CSMD3: variants seen among roughly 807,000 people sequenced by gnomAD.
CSMD3 encodes the protein CUB and sushi domain-containing protein 3.
In CSMD3, 177 loss-of-function variants were observed where a neutral mutation model predicts 435.2. That is an observed-to-expected ratio of 0.41 (90% CI 0.36 to 0.46). CSMD3 has a LOEUF of 0.46. Among genes scored for constraint, CSMD3 ranks in the 20% least tolerant of loss-of-function variants. CSMD3 has a pLI of 0.34. For synonymous variants in CSMD3, 1,656 were observed against 1,520.5 expected (o/e 1.09, Z -2.07); for missense variants, 4,265 against 4,504.6 (o/e 0.95, Z 1.52).
rs183901894 is a variant in CSMD3 at position 113,063,106 on chromosome 8, A to G, written c.917+35650T>C. Among the ~76,000 whole-genome samples the G allele has an allele frequency of 1.1e-4, 17 of 151,718 alleles. No individual in the cohort carries two copies. The East Asian group carries it at 1.5e-3, about 14-fold the overall frequency. ...TTCAAATGTTTCAATCACATTCCCTACAAATATTTTACATTTGAAGTTTTC... is the reference window on the plus strand; with the variant it reads ...TTCAAATGTTTCAATCACATTCCCTGCAAATATTTTACATTTGAAGTTTTC... On this transcript the variant is annotated intron_variant, in intron 5 of 70. Transcript: ENST00000297405.
intron 6 of CSMD3, among the ~76,000 whole-genome samples, chr8:112,996,890 T>C (rs1331170380): frequency 6.6e-6 from 1 of 151,644 alleles, no homozygotes; most frequent in Non-Finnish European, 1.5e-5. Flanking sequence ...AGTGTTAGTT[T>C]CTTATGGAAG....
intron 10 of CSMD3, among the ~76,000 whole-genome samples, chr8:112,910,912 C>T (rs976836614): frequency 4.0e-5 from 6 of 151,834 alleles, no homozygotes; most frequent in Non-Finnish European, 7.4e-5. Context: ...TTTTCCTGAC[C>T]ATTTTGCAGC....
chr8:112,385,947 T>C (rs547142202), intron 36 of CSMD3, among the ~76,000 whole-genome samples: 1 of 152,068 alleles, frequency 6.6e-6, no homozygotes, highest in Non-Finnish European at 1.5e-5. Flanking sequence ...CTACCGTATA[T>C]GGAAAAGGGT....
At chr8:112,923,649 A>C (rs187613827) in intron 9 of CSMD3, among the ~76,000 whole-genome samples, 1 of 152,126 alleles carries the variant, frequency 6.6e-6, no homozygotes, top group Non-Finnish European at 1.5e-5. Flanking sequence ...ATCTTCTTCC[A>C]TGTTATTTCC....
chr8:112,934,275 A>T (rs1458856959), intron 9 of CSMD3, among the ~76,000 whole-genome samples: 2 of 152,156 alleles, frequency 1.3e-5, no homozygotes, highest in African/African-American at 4.8e-5. Flanking sequence ...ATTCAAAATA[A>T]CAGTACCAGC....
intron 6 of CSMD3, among the ~76,000 whole-genome samples, chr8:112,983,630 T>C (rs1166455443): frequency 6.6e-6 from 1 of 151,246 alleles, no homozygotes; most frequent in Non-Finnish European, 1.5e-5. Flanking sequence ...CTTACAAAAA[T>C]ACTTGGGGAA....
chr8:112,346,852 G>A (rs909200432), intron 40 of CSMD3, among the ~76,000 whole-genome samples: 3 of 151,424 alleles, frequency 2.0e-5, no homozygotes, highest in African/African-American at 7.3e-5. Flanking sequence ...CTAATTTTTT[G>A]TATTTTTAGT....
chr8:112,934,290 AT>A (rs774356460), intron 9 of CSMD3, among the ~76,000 whole-genome samples: 3 of 152,086 alleles, frequency 2.0e-5, no homozygotes, highest in South Asian at 2.1e-4. Context: ...ACCAGCATCT[AT>A]TTTTTTATGG....
intron 32 of CSMD3, among the ~76,000 whole-genome samples, chr8:112,451,077 CATG>C (rs1284055006): frequency 2.0e-5 from 3 of 151,920 alleles, no homozygotes; most frequent in Non-Finnish European, 4.4e-5. Flanking sequence ...TATTAAAAAT[CATG>C]ATGATGAAAA....
chr8:112,524,336 G>GT (rs1371099476), intron 27 of CSMD3, among the ~76,000 whole-genome samples: 1 of 148,080 alleles, frequency 6.8e-6, no homozygotes, highest in African/African-American at 2.5e-5. Flanking sequence ...GTATTAGTAA[G>GT]TAAAAAAAAA....
intron 16 of CSMD3, among the ~76,000 whole-genome samples, chr8:112,676,730 G>T (rs1174628606): frequency 3.3e-5 from 5 of 152,072 alleles, no homozygotes; most frequent in African/African-American, 1.2e-4. Context: ...TGCAACAGAG[G>T]AGAATTAATT....
chr8:112,302,013 T>C, intron 52 of CSMD3, 47 bp from the exon 53 acceptor site: 1 of 1,308,050 alleles, frequency 7.6e-7, no homozygotes, highest in East Asian at 2.4e-5. Flanking sequence ...ATAGTCAAGC[T>C]GCACTTGTAA....
At chr8:113,144,894 T>C (rs1386895423) in intron 4 of CSMD3, among the ~76,000 whole-genome samples, 4 of 151,548 alleles carry the variant, frequency 2.6e-5, no homozygotes, top group Non-Finnish European at 4.4e-5. Flanking sequence ...TATTTACAAA[T>C]ATAAAGATTG....
At chr8:113,041,421 T>C (rs926205121) in intron 5 of CSMD3, among the ~76,000 whole-genome samples, 1 of 151,976 alleles carries the variant, frequency 6.6e-6, no homozygotes, top group Admixed American at 6.5e-5. Flanking sequence ...TGCCCTCACA[T>C]TGGGGGAAAA....
intron 53 of CSMD3, among the ~76,000 whole-genome samples, chr8:112,296,470 G>T (rs1464729978): frequency 6.6e-6 from 1 of 151,636 alleles, no homozygotes; most frequent in Non-Finnish European, 1.5e-5. Context: ...TTAATGGCGT[G>T]AACCGGAAGG....
intron 1 of CSMD3, among the ~76,000 whole-genome samples, chr8:113,427,543 A>G (rs866636511): frequency 8.6e-5 from 13 of 151,130 alleles, no homozygotes; most frequent in Admixed American, 4.6e-4. Flanking sequence ...AGTACACTGG[A>G]CAGGTAAAGA....
chr8:112,431,254 T>G (rs1813674258), intron 32 of CSMD3, among the ~76,000 whole-genome samples: 1 of 152,110 alleles, frequency 6.6e-6, no homozygotes, highest in Admixed American at 6.6e-5. Context: ...ATATAAAAAT[T>G]AATTTTTAAG....
chr8:113,311,595 C>G (rs1007952909), intron 2 of CSMD3: 1 of 152,000 alleles, frequency 6.6e-6, no homozygotes, highest in Non-Finnish European at 1.5e-5. Flanking sequence ...AGAAACAAAA[C>G]CCAAGAAAAC....
At chr8:112,630,436 A>T (rs1312966296) in intron 22 of CSMD3, among the ~76,000 whole-genome samples, 1 of 152,170 alleles carries the variant, frequency 6.6e-6, no homozygotes, top group Non-Finnish European at 1.5e-5. Flanking sequence ...ACCTAGTCAC[A>T]TTATAAAATG....
Sources: allele counts gnomAD v4.1 joint callset (sites outside exome capture counted in the v4.1 genomes callset), GRCh38; gene constraint gnomAD v4.1.1; transcripts MANE v1.5; gene names NCBI Gene and HGNC (gene_info 2026-07-23, HGNC 2026-07-21).